ACTMAP: variants seen among roughly 807,000 people sequenced by gnomAD.
ACTMAP encodes UPF0692 protein C19orf54.
the ACTMAP span, among the ~76,000 whole-genome samples, chr19:40,746,208 C>CT: frequency 7.2e-5 from 11 of 151,830 alleles, no homozygotes; most frequent in Admixed American, 4.6e-4. Context: ...GGATTCATTC[C>CT]TTTTTGTTTG....
chr19:40,748,933 T>C, the ACTMAP span, among the ~76,000 whole-genome samples: 1 of 151,696 alleles, frequency 6.6e-6, no homozygotes, highest in Non-Finnish European at 1.5e-5. Flanking sequence ...GGGTTGTCAC[T>C]GTCTGGAAAG....
chr19:40,748,836 G>T, the ACTMAP span, among the ~76,000 whole-genome samples: 1 of 152,094 alleles, frequency 6.6e-6, no homozygotes, highest in Non-Finnish European at 1.5e-5. Flanking sequence ...AGCACTCAGG[G>T]TTCCCCTTCT....
At chr19:40,741,556 A>G in the ACTMAP span, 1 of 370,412 alleles carries the variant, frequency 2.7e-6, no homozygotes, top group Non-Finnish European at 5.5e-6. Context: ...GGGGTCAGGT[A>G]TTCATGAAGC....
chr19:40,749,430 T>C, the ACTMAP span: 1 of 1,330,234 alleles, frequency 7.5e-7, no homozygotes, highest in Non-Finnish European at 1.0e-6. Context: ...AAGAGATCTG[T>C]GAAGTGTCTA....
At chr19:40,742,489 G>A in the ACTMAP span, 903 of 1,504,454 alleles carry the variant, frequency 6.0e-4, 3 homozygotes, top group Non-Finnish European at 7.6e-4. Flanking sequence ...AGGCCAGCCC[G>A]TACCCCACCC....
At chr19:40,749,701 G>C in the ACTMAP span, 1 of 1,525,218 alleles carries the variant, frequency 6.6e-7, no homozygotes, top group Non-Finnish European at 8.8e-7. Context: ...AAGTCCAGGG[G>C]ACTTGGGGGT....
At chr19:40,746,967 C>T in the ACTMAP span, among the ~76,000 whole-genome samples, 4 of 152,106 alleles carry the variant, frequency 2.6e-5, no homozygotes, top group East Asian at 2.0e-4. Context: ...CCACCATTTC[C>T]GGCTAATTTT....
At chr19:40,744,551 C>G in the ACTMAP span, 1 of 1,613,172 alleles carries the variant, frequency 6.2e-7, no homozygotes. Context: ...TGCAGTCACC[C>G]AGCTCACCTG....
At chr19:40,745,335 C>G in the ACTMAP span, 5 of 806,656 alleles carry the variant, frequency 6.2e-6, no homozygotes, top group African/African-American at 8.5e-5. Context: ...AAGGCGGCTC[C>G]TGGTTCAGTC....
the ACTMAP span, chr19:40,741,590 A>T: frequency 2.6e-6 from 1 of 391,408 alleles, no homozygotes; most frequent in Non-Finnish European, 5.2e-6. Flanking sequence ...CACTCACTAG[A>T]AGTTTGTATA....
the ACTMAP span, chr19:40,742,772 T>TG: frequency 6.2e-7 from 1 of 1,603,866 alleles, no homozygotes. Context: ...GCAGGACCCC[T>TG]GGGGGAGAGG....
At chr19:40,747,209 C>T in the ACTMAP span, among the ~76,000 whole-genome samples, 1 of 151,976 alleles carries the variant, frequency 6.6e-6, no homozygotes, top group African/African-American at 2.4e-5. Flanking sequence ...TTAGGGTACC[C>T]TCCTGATGAA....
At chr19:40,747,141 A>C in the ACTMAP span, among the ~76,000 whole-genome samples, 1 of 152,124 alleles carries the variant, frequency 6.6e-6, no homozygotes, top group African/African-American at 2.4e-5. Context: ...GCTGGTAAGA[A>C]GGCAAGGTTC....
the ACTMAP span, chr19:40,744,911 T>TA: frequency 1.3e-6 from 1 of 794,582 alleles, no homozygotes; most frequent in Non-Finnish European, 2.0e-6. Context: ...AAGGTGGAGT[T>TA]AGAGAGATGG....
At chr19:40,744,667 AG>A in the ACTMAP span, 1 of 1,611,690 alleles carries the variant, frequency 6.2e-7, no homozygotes, top group Non-Finnish European at 8.5e-7. Flanking sequence ...GCCATCCACA[AG>A]GCCACCAGCC....
chr19:40,743,862 G>A, the ACTMAP span: 3 of 1,603,442 alleles, frequency 1.9e-6, no homozygotes, highest in East Asian at 2.2e-5. Context: ...GGAGGCCGGG[G>A]AGACCCAGGT....
At chr19:40,741,125 T>G in the ACTMAP span, 2 of 400,032 alleles carry the variant, frequency 5.0e-6, no homozygotes, top group African/African-American at 4.1e-5. Flanking sequence ...ACGCATCCTC[T>G]TTACCCTGAT....
At chr19:40,746,740 C>T in the ACTMAP span, among the ~76,000 whole-genome samples, 1 of 151,868 alleles carries the variant, frequency 6.6e-6, no homozygotes, top group Non-Finnish European at 1.5e-5. Flanking sequence ...GAACTGCTGA[C>T]CTCAGGTGAT....
chr19:40,747,152 G>C, the ACTMAP span, among the ~76,000 whole-genome samples: 2 of 152,088 alleles, frequency 1.3e-5, no homozygotes, highest in Non-Finnish European at 2.9e-5. Context: ...GGCAAGGTTC[G>C]GTTTGGGTGT....
Sources: gnomAD v4.1 joint callset for allele counts (sites outside exome capture counted in the v4.1 genomes callset) on GRCh38, gnomAD v4.1.1 for gene constraint, MANE v1.5 for transcripts, NCBI Gene and HGNC (gene_info 2026-07-23, HGNC 2026-07-21) for gene names.